Variants in PALS1 observed in about 807,000 individuals in gnomAD.
PALS1 encodes protein associated with LIN7 1, MAGUK p55 family member.
In PALS1, 31 loss-of-function variants were observed where a neutral mutation model predicts 78.9. The ratio of observed to expected loss-of-function variants is 0.39; its 90% CI spans 0.30 to 0.53. The LOEUF (loss-of-function observed/expected upper bound fraction) is 0.53, where lower values mean the gene tolerates loss of function less well. Ranked by LOEUF, PALS1 falls within the 20% of genes least tolerant of loss-of-function variation. The probability of loss-of-function intolerance (pLI) is 0.67; values close to 1 mark genes in which losing one functional copy is unlikely to be tolerated. For synonymous variants in PALS1, 276 were observed against 270.9 expected, an observed-to-expected ratio of 1.02 and a Z score of -0.18; for missense variants, 704 against 826.5, an observed-to-expected ratio of 0.85 and a Z score of 1.82.
chr14:67,320,176 C>A, intron 11 of PALS1, 54 bp from the exon 12 acceptor site: 1 of 1,547,828 alleles, frequency 6.5e-7, no homozygotes. Flanking sequence ...GTATTTATAT[C>A]TTTAATACAT....
intron 1 of PALS1, among the ~76,000 whole-genome samples, chr14:67,261,052 G>T (rs1301624401): frequency 1.3e-5 from 2 of 152,130 alleles, no homozygotes; most frequent in Non-Finnish European, 2.9e-5. Flanking sequence ...ATTTTGTTAA[G>T]ATACAAAATT....
At chr14:67,298,700 G>C (rs185346787) in intron 4 of PALS1, among the ~76,000 whole-genome samples, 50 of 152,256 alleles carry the variant, frequency 3.3e-4, no homozygotes, top group Non-Finnish European at 4.3e-4. Context: ...AAATGAGTGT[G>C]TTTTATTGTA....
At chr14:67,284,584 A>AAAAAAAAAAC (rs2084655528) in intron 3 of PALS1, among the ~76,000 whole-genome samples, 1 of 143,522 alleles carries the variant, frequency 7.0e-6, no homozygotes, top group Non-Finnish European at 1.5e-5. Flanking sequence ...AAAAAAAAAA[A>AAAAAAAAAAC]AAAAGGTTGT....
At chr14:67,305,444 T>C (rs569127445) in intron 8 of PALS1, among the ~76,000 whole-genome samples, 3 of 152,302 alleles carry the variant, frequency 2.0e-5, no homozygotes, top group African/African-American at 7.2e-5. Flanking sequence ...CACATCCGGC[T>C]AATTTTTTTG....
intron 3 of PALS1, among the ~76,000 whole-genome samples, chr14:67,287,005 T>G (rs1357118818): frequency 1.3e-5 from 2 of 151,924 alleles, no homozygotes; most frequent in African/African-American, 4.8e-5. Flanking sequence ...ATCACTTGAG[T>G]CCAGGAGTTC....
At position 67,332,958 on chromosome 14, in the gene PALS1, A is replaced by G. The variant is rs2085472988; in HGVS notation, c.*2A>G. ...GTACCATCCACTTGGCTGAGGTGAAAGAAACATCCATTCTGTGGCATGTTG... is the reference window on the plus strand; with the variant it reads ...GTACCATCCACTTGGCTGAGGTGAAGGAAACATCCATTCTGTGGCATGTTG... On this transcript the variant is annotated 3_prime_UTR_variant, in exon 15 of 15. Coordinates refer to ENST00000261681, the MANE Select transcript of PALS1 (RefSeq NM_022474.4). 1 of 1,601,450 alleles carries G rather than the reference A, an allele frequency of 6.2e-7. No individual in the cohort carries two copies. Among genetic ancestry groups the G allele is most frequent in the South Asian group, 1.1e-5 (1 of 90,334 alleles).
At chr14:67,321,358 A>C (rs1003957709) in intron 13 of PALS1, 99 bp downstream of exon 13, 2 of 1,093,696 alleles carry the variant, frequency 1.8e-6, no homozygotes, top group Middle Eastern at 2.6e-4. Flanking sequence ...AGCGCGACCT[A>C]ATTAAGTTCT....
At position 67,324,882 on chromosome 14, in the gene PALS1, C is replaced by G. The variant is rs531968339; in HGVS notation, c.1851+1070C>G. Among the ~76,000 whole-genome samples, 10 of 151,118 alleles carry G rather than the reference C, an allele frequency of 6.6e-5. No individual in the cohort carries two copies. In the South Asian group the frequency reaches 2.1e-3, roughly 32 times the overall value. On this transcript the variant is annotated intron_variant, in intron 14 of 14. Coordinates refer to ENST00000261681, the MANE Select transcript of PALS1 (RefSeq NM_022474.4). ...TGGATTGCAGGTGTAAGCTACCACG[C>G]CCAGCCTTCCTTTCATTTTTTTTTT...
intron 1 of PALS1, among the ~76,000 whole-genome samples, chr14:67,266,058 C>T (rs1336250964): frequency 6.6e-6 from 1 of 152,132 alleles, no homozygotes; most frequent in Non-Finnish European, 1.5e-5. Context: ...ACTCCTGTCT[C>T]TGCTTCCCAA....
At chr14:67,247,854 C>T (rs1299319128) in intron 1 of PALS1, among the ~76,000 whole-genome samples, 2 of 152,180 alleles carry the variant, frequency 1.3e-5, no homozygotes, top group Non-Finnish European at 2.9e-5. Context: ...GCTGGGATTA[C>T]AGGCATGAGT....
chr14:67,264,659 G>T (rs1053483201), intron 1 of PALS1, among the ~76,000 whole-genome samples: 1 of 152,088 alleles, frequency 6.6e-6, no homozygotes, highest in Non-Finnish European at 1.5e-5. Context: ...GGATCTAGAT[G>T]GTTAGTAAAT....
chr14:67,280,842 TCC>T (rs2084594092), intron 3 of PALS1, among the ~76,000 whole-genome samples: 1 of 133,620 alleles, frequency 7.5e-6, no homozygotes, highest in African/African-American at 3.2e-5. Context: ...CTTCCTTCCT[TCC>T]TTCCTTCCTT....
chr14:67,276,763 T>G (rs138735749), intron 2 of PALS1, among the ~76,000 whole-genome samples: 106 of 152,314 alleles, frequency 7.0e-4, no homozygotes, highest in African/African-American at 2.3e-3. Flanking sequence ...GAGCAAAGGT[T>G]GGATCCAGAT....
At chr14:67,256,949 G>C (rs1316563775) in intron 1 of PALS1, among the ~76,000 whole-genome samples, 1 of 152,146 alleles carries the variant, frequency 6.6e-6, no homozygotes, top group East Asian at 1.9e-4. Flanking sequence ...CCAAGGCTAA[G>C]GACGCGGCTG....
At chr14:67,291,174 ATGTGCG>A (rs376148518) in intron 3 of PALS1, among the ~76,000 whole-genome samples, 308 of 152,216 alleles carry the variant, frequency 2.0e-3, no homozygotes, top group African/African-American at 7.0e-3. Flanking sequence ...GACAGAGTAT[ATGTGCG>A]TGTGCATGTA....
intron 2 of PALS1, among the ~76,000 whole-genome samples, chr14:67,273,116 TC>T (rs1420572399): frequency 7.6e-6 from 1 of 131,670 alleles, no homozygotes; most frequent in Non-Finnish European, 1.5e-5. Flanking sequence ...GATATTTCTT[TC>T]TTTTTTTTTT....
At chr14:67,284,283 T>A (rs907741068) in intron 3 of PALS1, among the ~76,000 whole-genome samples, 6 of 151,828 alleles carry the variant, frequency 4.0e-5, no homozygotes, top group Non-Finnish European at 5.9e-5. Context: ...ACTGTAGAAT[T>A]CATTAGTTTT....
rs1263603396 is a variant in PALS1, at chr14:67,316,908, GAC to G, written c.1297+8_1297+9del. 4.2e-5 allele frequency: 67 copies of G among 1,607,544 alleles called. No homozygotes were observed. The highest frequency in any genetic ancestry group is 5.5e-5 in the Non-Finnish European group (65 of 1,176,430). On this transcript the variant is annotated splice_donor_region_variant and intron_variant, in intron 10 of 14. Transcript: ENST00000261681. ...ATAAGGAGCCAGAAAAATCAGGTTA[GAC>G]ACTTGTATTTGACATAAGTAAATGG...
At position 67,292,729 on chromosome 14, in the gene PALS1, C is replaced by A. The variant is rs770011954; in HGVS notation, c.576+10C>A. The A allele has an allele frequency of 6.2e-7, 1 of 1,605,370 alleles. No individual in the cohort carries two copies. The highest frequency in any genetic ancestry group is 2.2e-5 in the East Asian group (1 of 44,738). On this transcript the variant is annotated intron_variant, in intron 4 of 14. Coordinates refer to ENST00000261681, the MANE Select transcript of PALS1 (RefSeq NM_022474.4). Reference sequence around the variant, plus strand: ...AGATCTTGCTCAAGAGGTATGTATTCTAAACATCTTGTTGATGTCTACAAG... The same window carrying A: ...AGATCTTGCTCAAGAGGTATGTATTATAAACATCTTGTTGATGTCTACAAG...
Sources: gnomAD v4.1 joint callset for allele counts (sites outside exome capture counted in the v4.1 genomes callset) on GRCh38, gnomAD v4.1.1 for gene constraint, MANE v1.5 for transcripts, NCBI Gene and HGNC (gene_info 2026-07-23, HGNC 2026-07-21) for gene names.